The following FOXO3 variants were observed in gnomAD, a reference collection of about 807,000 sequenced individuals.
FOXO3 encodes the protein forkhead box protein O3.
FOXO3 carries 4 observed loss-of-function variants against 41.9 expected under a neutral mutation model. The observed-to-expected ratio is 0.10, with a 90% CI of 0.05 to 0.22. The LOEUF is 0.22. FOXO3 is among the 10% of genes least tolerant of loss of function. The pLI is 1.00. For synonymous variants in FOXO3, 318 were observed against 389.3 expected (o/e 0.82, Z 2.16); for missense variants, 534 against 906.8 (o/e 0.59, Z 5.28).
intron 1 of FOXO3, among the ~76,000 whole-genome samples, chr6:108,599,929 C>G (rs1305137465): frequency 6.6e-6 from 1 of 152,150 alleles, no homozygotes; most frequent in East Asian, 1.9e-4. Context: ...TCTTCAAGAC[C>G]CACCTGCATC....
intron 1 of FOXO3, among the ~76,000 whole-genome samples, chr6:108,574,008 C>A (rs532823126): frequency 1.3e-5 from 2 of 152,122 alleles, no homozygotes; most frequent in African/African-American, 4.8e-5. Context: ...AAAAAATTAG[C>A]TGGGCGTGGT....
chr6:108,626,481 C>T (rs1438369175), intron 1 of FOXO3, among the ~76,000 whole-genome samples: 1 of 152,144 alleles, frequency 6.6e-6, no homozygotes, highest in Non-Finnish European at 1.5e-5. Context: ...GAGAGACAGG[C>T]AGGTTGTTGA....
At chr6:108,677,173 C>T (rs1255604050) in intron 2 of FOXO3, among the ~76,000 whole-genome samples, 1 of 152,206 alleles carries the variant, frequency 6.6e-6, no homozygotes, top group East Asian at 1.9e-4. Context: ...AGCTGTAGAA[C>T]ATAGCTTCAC....
rs1225568558 is a variant in FOXO3, at chr6:108,625,609, A to C, written c.622-37846A>C. Among the ~76,000 whole-genome samples, 4 of 152,180 alleles carry C rather than the reference A, an allele frequency of 2.6e-5. No homozygotes were observed. The East Asian group carries it at 7.7e-4, about 29-fold the overall frequency. The stretch of plus-strand genomic sequence containing the variant: ...AACTAAGGAAATCCTTGCTCTGGGA[A>C]GCTGTGTTGAGAAGAGTTCTAAGCT... On this transcript the variant is annotated intron_variant, in intron 1 of 2. Coordinates refer to ENST00000406360, the MANE Select transcript of FOXO3 (RefSeq NM_001455.4).
chr6:108,641,305 A>G (rs1778251168), intron 1 of FOXO3, among the ~76,000 whole-genome samples: 1 of 152,174 alleles, frequency 6.6e-6, no homozygotes, highest in African/African-American at 2.4e-5. Context: ...TATTTAAAAT[A>G]TTTCATCATC....
At chr6:108,599,183 A>C (rs763249553) in intron 1 of FOXO3, among the ~76,000 whole-genome samples, 1 of 152,160 alleles carries the variant, frequency 6.6e-6, no homozygotes, top group South Asian at 2.1e-4. Context: ...GACCCTTCTG[A>C]ATTGAAACAG....
rs1778838491 is a variant in FOXO3 at position 108,661,186 on chromosome 6, G to T, written c.622-2269G>T. Among the ~76,000 whole-genome samples, 3 of 152,144 alleles carry T rather than the reference G, an allele frequency of 2.0e-5. No individual in the cohort carries two copies. In the South Asian group the frequency reaches 6.2e-4, roughly 32 times the overall value. On this transcript the variant is annotated intron_variant, in intron 1 of 2. Coordinates refer to ENST00000406360, the MANE Select transcript of FOXO3 (RefSeq NM_001455.4). ...GAACCCTGGAGGCGGAGGTTGCAGT[G>T]AGCCGAGATCAAGCCATTGCACTCC...
chr6:108,644,808 G>C (rs1308293970), intron 1 of FOXO3, among the ~76,000 whole-genome samples: 2 of 152,138 alleles, frequency 1.3e-5, no homozygotes, highest in African/African-American at 2.4e-5. Context: ...AGCTGACCTT[G>C]TTATTTTCTC....
chr6:108,585,066 G>T (rs547239841), intron 1 of FOXO3, among the ~76,000 whole-genome samples: 10 of 106,792 alleles, frequency 9.4e-5, no homozygotes, highest in African/African-American at 3.3e-4. Context: ...ACAGAGTCTC[G>T]CTCTGTTGCC....
intron 1 of FOXO3, among the ~76,000 whole-genome samples, chr6:108,635,378 T>G (rs1159399823): frequency 6.6e-6 from 1 of 152,124 alleles, no homozygotes; most frequent in Non-Finnish European, 1.5e-5. Flanking sequence ...AGAGATGGAA[T>G]GAGGAGAGGG....
chr6:108,603,552 G>T (rs1777112560), intron 1 of FOXO3, among the ~76,000 whole-genome samples: 1 of 152,000 alleles, frequency 6.6e-6, no homozygotes, highest in Non-Finnish European at 1.5e-5. Context: ...AACTTTAAGT[G>T]TCTAGAAAAT....
chr6:108,567,815 G>A (rs1775985624), intron 1 of FOXO3, among the ~76,000 whole-genome samples: 1 of 152,176 alleles, frequency 6.6e-6, no homozygotes, highest in South Asian at 2.1e-4. Context: ...GGGAGGCCCA[G>A]GTGGGTGGAT....
chr6:108,602,259 T>C (rs968008063), intron 1 of FOXO3, among the ~76,000 whole-genome samples: 2 of 152,204 alleles, frequency 1.3e-5, no homozygotes, highest in Non-Finnish European at 2.9e-5. Flanking sequence ...CTCTTTTTTT[T>C]CTTTCCTAAA....
At chr6:108,565,612 A>G (rs1236750256) in intron 1 of FOXO3, among the ~76,000 whole-genome samples, 1 of 152,168 alleles carries the variant, frequency 6.6e-6, no homozygotes, top group Non-Finnish European at 1.5e-5. Context: ...TAATTTCACA[A>G]GTGTGGGGGA....
At chr6:108,617,106 T>C (rs565753071) in intron 1 of FOXO3, among the ~76,000 whole-genome samples, 92 of 152,380 alleles carry the variant, frequency 6.0e-4, no homozygotes, top group African/African-American at 2.2e-3. Flanking sequence ...CCAGTTTTTA[T>C]GTGGACATAT....
At chr6:108,631,633 A>C (rs1186214374) in intron 1 of FOXO3, among the ~76,000 whole-genome samples, 1 of 151,434 alleles carries the variant, frequency 6.6e-6, no homozygotes, top group African/African-American at 2.4e-5. Flanking sequence ...TCTCGTGAGG[A>C]CTTTAAAGCA....
intron 1 of FOXO3, among the ~76,000 whole-genome samples, chr6:108,659,350 C>T (rs932628135): frequency 1.1e-4 from 17 of 152,074 alleles, no homozygotes; most frequent in African/African-American, 3.9e-4. Context: ...TAACTGTTAG[C>T]CCAAGTAGAT....
chr6:108,624,254 T>A (rs1176924866), intron 1 of FOXO3, among the ~76,000 whole-genome samples: 1 of 152,054 alleles, frequency 6.6e-6, no homozygotes, highest in Non-Finnish European at 1.5e-5. Context: ...TTGCTGGAAT[T>A]TTAGGGTGTA....
chr6:108,561,578 C>G lies in FOXO3; in HGVS notation c.370C>G (p.Gln124Glu). The change falls in exon 1 of 3, where the codon CAG becomes GAG. Residue 124 changes from glutamine (Q) to glutamate (E), a missense_variant. This residue lies in a region of FOXO3 where 139 missense variants were observed against 163.7 expected (regional missense o/e 0.85). Coordinates refer to ENST00000406360, the MANE Select transcript of FOXO3 (RefSeq NM_001455.4). Reference sequence around the variant, plus strand: ...GGCGGGCGGGCTGAGCGGGGGTACACAGGCGCTGCTGCAGCCTCAGCAACC... The same window carrying G: ...GGCGGGCGGGCTGAGCGGGGGTACAGAGGCGCTGCTGCAGCCTCAGCAACC... ...TAAGGLSGGTQALLQPQQPLP... is the reference protein window; with the variant it reads ...TAAGGLSGGTEALLQPQQPLP... The G allele has an allele frequency of 6.7e-7, 1 of 1,485,992 alleles. No homozygotes were observed. The highest frequency in any genetic ancestry group is 8.9e-7 in the Non-Finnish European group (1 of 1,121,112). 92.1% of individuals were successfully genotyped at this position (1,485,992 alleles called of 1,614,324 possible). A position where few individuals can be genotyped will look rare whatever the true frequency, so the allele number is the denominator to read the frequency against.
Sources: gnomAD v4.1 joint callset for allele counts (sites outside exome capture counted in the v4.1 genomes callset) on GRCh38, gnomAD v4.1.1 for gene constraint, gnomAD v4.1.1 regional missense constraint, MANE v1.5 for transcripts, NCBI Gene and HGNC (gene_info 2026-07-23, HGNC 2026-07-21) for gene names.